The following CHODL variants were observed in gnomAD, a reference collection of about 807,000 sequenced individuals.
CHODL encodes chondrolectin, also known as transmembrane protein MT75.
In CHODL, 29 loss-of-function variants were observed where a neutral mutation model predicts 34.5. The observed-to-expected ratio is 0.84, with a 90% CI of 0.63 to 1.15. The LOEUF (loss-of-function observed/expected upper bound fraction) is 1.15. Among genes scored for constraint, CHODL ranks in the 50% most tolerant of loss-of-function variants. CHODL has a pLI of 0.00. For synonymous variants in CHODL, 125 were observed against 116.1 expected (o/e 1.08, Z -0.49); for missense variants, 332 against 332.5 (o/e 1.00, Z 0.01).
At chr21:18,251,368 A>G (rs2074234092) in intron 1 of CHODL, among the ~76,000 whole-genome samples, 1 of 145,584 alleles carries the variant, frequency 6.9e-6, no homozygotes, top group Non-Finnish European at 1.5e-5. Flanking sequence ...TCTTTTATAT[A>G]AAATAAATGT....
intron 2 of CHODL, among the ~76,000 whole-genome samples, chr21:18,038,203 A>G (rs566720191): frequency 6.6e-6 from 1 of 151,748 alleles, no homozygotes; most frequent in Admixed American, 6.6e-5. Context: ...ATTTTGAGGG[A>G]AGAAATTTGA....
rs140758018 is a variant in CHODL, at chr21:18,111,043, G to T, written c.-45+83072G>T. Among the ~76,000 whole-genome samples, 26 of 152,230 alleles carry T rather than the reference G, an allele frequency of 1.7e-4. No individual in the cohort carries two copies. The East Asian group carries it at 3.3e-3, about 19-fold the overall frequency. On this transcript the variant is annotated intron_variant, in intron 2 of 6. Coordinates refer to the CHODL transcript ENST00000400127. ...AACTGGGACAGCTTCCACACTAGGG[G>T]AATATTAGAGTGTAATATTCTAGAA...
At chr21:17,993,020 A>G (rs1222382614) in intron 1 of CHODL, among the ~76,000 whole-genome samples, 1 of 152,112 alleles carries the variant, frequency 6.6e-6, no homozygotes, top group East Asian at 1.9e-4. Flanking sequence ...CCTCTTTTGC[A>G]ATTTGAACAC....
At chr21:18,236,506 A>G (rs1474140227) in intron 2 of CHODL, among the ~76,000 whole-genome samples, 1 of 152,040 alleles carries the variant, frequency 6.6e-6, no homozygotes, top group African/African-American at 2.4e-5. Context: ...TGTTCTATGA[A>G]TCCTAAGAAT....
intron 1 of CHODL, among the ~76,000 whole-genome samples, chr21:17,919,341 C>T (rs995389117): frequency 1.3e-5 from 2 of 152,236 alleles, no homozygotes; most frequent in Admixed American, 6.5e-5. Context: ...CATTTCCATA[C>T]ATCCTCTGAC....
At chr21:18,197,526 G>C (rs367711521) in intron 2 of CHODL, among the ~76,000 whole-genome samples, 10 of 152,312 alleles carry the variant, frequency 6.6e-5, no homozygotes, top group African/African-American at 2.4e-4. Flanking sequence ...TGCAGTGGGA[G>C]AATTGCTTGA....
intron 1 of CHODL, among the ~76,000 whole-genome samples, chr21:18,248,708 T>G (rs1392156759): frequency 8.4e-6 from 1 of 118,408 alleles, no homozygotes; most frequent in East Asian, 2.2e-4. Flanking sequence ...TATATGTATA[T>G]AATATATACA....
intron 2 of CHODL, among the ~76,000 whole-genome samples, chr21:18,031,544 G>C (rs962146831): frequency 6.6e-6 from 1 of 152,000 alleles, no homozygotes; most frequent in East Asian, 1.9e-4. Context: ...ATTTTTTTGG[G>C]GGGGAGAAAA....
In CHODL at chr21:18,077,084, G is replaced by C. The variant is rs774513132; in HGVS notation, c.-45+49113G>C. Among the ~76,000 whole-genome samples the C allele has an allele frequency of 9.4e-4, 143 of 152,316 alleles. No individual in the cohort carries two copies. The Middle Eastern group carries it at 0.01, about 11-fold the overall frequency. ...CCTGGCTCAGTGAGTCTGGAAGGCA[G>C]GATTCCCACCTCAGTGTGCATGGAG... On this transcript the variant is annotated intron_variant, in intron 2 of 6. Transcript: ENST00000400127.
intron 1 of CHODL, among the ~76,000 whole-genome samples, chr21:17,941,927 G>A (rs552764865): frequency 1.7e-4 from 26 of 152,130 alleles, no homozygotes; most frequent in African/African-American, 6.3e-4. Flanking sequence ...CACTCTCTGG[G>A]GCCACTTTTG....
chr21:18,062,835 C>T (rs944582338), intron 2 of CHODL, among the ~76,000 whole-genome samples: 12 of 151,752 alleles, frequency 7.9e-5, no homozygotes, highest in South Asian at 6.3e-4. Context: ...AATTCTGATG[C>T]GGGAAAACTA....
intron 2 of CHODL, among the ~76,000 whole-genome samples, chr21:18,125,092 G>A (rs973861108): frequency 2.0e-5 from 3 of 152,094 alleles, no homozygotes; most frequent in African/African-American, 2.4e-5. Context: ...TCCAACACTC[G>A]CTAGCTGTTT....
At chr21:18,105,471 A>C (rs1156744464) in intron 2 of CHODL, among the ~76,000 whole-genome samples, 1 of 152,138 alleles carries the variant, frequency 6.6e-6, no homozygotes, top group African/African-American at 2.4e-5. Context: ...AGTCAGTCAA[A>C]GTTGGATTTT....
intron 2 of CHODL, chr21:18,134,289 C>A (rs200614950): frequency 5.8e-6 from 3 of 513,546 alleles, no homozygotes; most frequent in South Asian, 4.3e-5. Flanking sequence ...ATCTCTTTTG[C>A]CACTGTTAAC....
chr21:18,021,921 GA>G (rs1320249906), intron 1 of CHODL, among the ~76,000 whole-genome samples: 20 of 152,258 alleles, frequency 1.3e-4, no homozygotes, highest in African/African-American at 4.6e-4. Flanking sequence ...TTCATATGTT[GA>G]AAAGGTAACT....
intron 2 of CHODL, among the ~76,000 whole-genome samples, chr21:18,068,528 T>G (rs158005): frequency 0.35 from 53,859 of 151,984 alleles, 10,964 homozygotes; most frequent in East Asian, 0.82. Flanking sequence ...TCTAAAATTC[T>G]TCTCACCAAG....
intron 1 of CHODL, among the ~76,000 whole-genome samples, chr21:17,930,022 C>A (rs970526510): frequency 6.6e-6 from 1 of 152,154 alleles, no homozygotes; most frequent in African/African-American, 2.4e-5. Flanking sequence ...GGCCTGGCAC[C>A]CTTCTGAGAG....
chr21:18,240,149 C>G (rs1233552319), upstream of CHODL, among the ~76,000 whole-genome samples: 1 of 151,754 alleles, frequency 6.6e-6, no homozygotes. Context: ...AAATATTGAT[C>G]AGAATATATG....
chr21:18,001,598 T>G (rs1256938561), intron 1 of CHODL, among the ~76,000 whole-genome samples: 1 of 152,200 alleles, frequency 6.6e-6, no homozygotes, highest in Non-Finnish European at 1.5e-5. Context: ...TAGTCCCCGT[T>G]TACACTATAT....
Sources: allele counts gnomAD v4.1 joint callset (sites outside exome capture counted in the v4.1 genomes callset), GRCh38; gene constraint gnomAD v4.1.1; transcripts MANE v1.5; gene names NCBI Gene and HGNC (gene_info 2026-07-23, HGNC 2026-07-21).